The following GPBP1L1 variants were observed in gnomAD, a reference collection of about 807,000 sequenced individuals.
GPBP1L1 encodes the protein GC-rich promoter binding protein 1 like 1.
Under a neutral mutation model 52.5 loss-of-function variants are expected in GPBP1L1, and 23 were observed. That is an observed-to-expected ratio of 0.44 (90% CI 0.32 to 0.62). The LOEUF is 0.62. Among genes scored for constraint, GPBP1L1 ranks in the 20% least tolerant of loss-of-function variants. The probability of loss-of-function intolerance (pLI) is 0.06; values close to 1 mark genes in which losing one functional copy is unlikely to be tolerated. For missense variants in GPBP1L1, 596 were observed against 579.3 expected (o/e 1.03, Z -0.30); for synonymous variants, 243 against 203.1 (o/e 1.20, Z -1.67).
intron 2 of GPBP1L1, among the ~76,000 whole-genome samples, chr1:45,672,554 T>A (rs1645086622): frequency 6.6e-6 from 1 of 152,166 alleles, no homozygotes; most frequent in South Asian, 2.1e-4. Flanking sequence ...AACTTTTAGG[T>A]GCCTACCAGA....
At position 45,629,691 on chromosome 1, in the gene GPBP1L1, G is replaced by A. The variant is rs369188643; in HGVS notation, c.1170-13C>T. The A allele has an allele frequency of 5.9e-5, 89 of 1,521,328 alleles. No homozygotes were observed. In the African/African-American group the frequency reaches 1.2e-3, roughly 20 times the overall value. 94.2% of individuals were successfully genotyped at this position (1,521,328 alleles called of 1,614,324 possible). A position where few individuals can be genotyped will look rare whatever the true frequency, so the allele number is the denominator to read the frequency against. Reference sequence around the variant, plus strand: ...AGCTTTCAATAACCTGGTGGACGCAGAAGGACAGGTAAAGAGAATACAACA... The same window carrying A: ...AGCTTTCAATAACCTGGTGGACGCAAAAGGACAGGTAAAGAGAATACAACA... On this transcript the variant is annotated splice_polypyrimidine_tract_variant and intron_variant, in intron 11 of 12. Coordinates refer to ENST00000355105, the MANE Select transcript of GPBP1L1 (RefSeq NM_021639.5).
At chr1:45,642,373 C>T (rs986620848) in intron 7 of GPBP1L1, 54 bp downstream of exon 7, 38 of 1,178,616 alleles carry the variant, frequency 3.2e-5, no homozygotes, top group Non-Finnish European at 4.8e-5. Flanking sequence ...TGCTCCCCTC[C>T]CTGCTAAGAA....
rs1557708609 is a variant in GPBP1L1, at chr1:45,655,242, TCGA to T, written c.135_137del (p.Arg46del). ...TAAAAAAACCATCAGAGGAATTATGTCGACGGCGGCTTACTCCAAATCTACCTT... is the reference window on the plus strand; with the variant it reads ...TAAAAAAACCATCAGAGGAATTATGTCGGCGGCTTACTCCAAATCTACCTT... On this transcript the variant is annotated inframe_deletion, in exon 5 of 13. Coordinates refer to ENST00000355105, the MANE Select transcript of GPBP1L1 (RefSeq NM_021639.5). 1 of 1,614,164 alleles carries T rather than the reference TCGA, an allele frequency of 6.2e-7. No homozygotes were observed. The highest frequency in any genetic ancestry group is 1.1e-5 in the South Asian group (1 of 91,088).
intron 2 of GPBP1L1, among the ~76,000 whole-genome samples, chr1:45,664,356 G>A (rs1290121696): frequency 8.0e-5 from 12 of 150,920 alleles, no homozygotes; most frequent in African/African-American, 2.9e-4. Context: ...CACGAGGTCA[G>A]GAGATTGAGA....
intron 6 of GPBP1L1, 133 bp downstream of exon 6, chr1:45,654,410 C>T: frequency 1.1e-6 from 1 of 939,518 alleles, no homozygotes; most frequent in Non-Finnish European, 1.5e-6. Flanking sequence ...CTTCTTTCCT[C>T]TAAAACAATA....
intron 2 of GPBP1L1, among the ~76,000 whole-genome samples, chr1:45,666,026 G>A (rs1282974469): frequency 1.3e-5 from 2 of 151,996 alleles, no homozygotes; most frequent in Non-Finnish European, 2.9e-5. Flanking sequence ...CAGTCTAAGA[G>A]ACAAGAAATA....
intron 2 of GPBP1L1, among the ~76,000 whole-genome samples, chr1:45,676,770 T>C (rs1253821229): frequency 2.0e-5 from 3 of 151,064 alleles, no homozygotes; most frequent in Non-Finnish European, 2.9e-5. Context: ...TCCCAGCTAC[T>C]TGGGAAGCTG....
chr1:45,630,790 T>A, intron 10 of GPBP1L1, 184 bp from the exon 11 acceptor site: 1 of 601,004 alleles, frequency 1.7e-6, no homozygotes, highest in Non-Finnish European at 2.9e-6. Flanking sequence ...TCTAAAGTTT[T>A]AATGAAAAGG....
intron 2 of GPBP1L1, among the ~76,000 whole-genome samples, chr1:45,678,975 C>T (rs760267416): frequency 1.3e-5 from 2 of 152,196 alleles, no homozygotes; most frequent in Non-Finnish European, 2.9e-5. Context: ...ACAGTAGTAA[C>T]TCCTGTGTGA....
chr1:45,670,543 A>G (rs891405580), intron 2 of GPBP1L1, among the ~76,000 whole-genome samples: 1 of 138,254 alleles, frequency 7.2e-6, no homozygotes, highest in South Asian at 2.5e-4. Context: ...ACCTATATTG[A>G]CTTCTTAGTT....
intron 2 of GPBP1L1, among the ~76,000 whole-genome samples, chr1:45,680,734 CT>C (rs1645203181): frequency 6.6e-6 from 1 of 151,964 alleles, no homozygotes; most frequent in Non-Finnish European, 1.5e-5. Context: ...AAATACCTAC[CT>C]AATTTGGAGA....
chr1:45,655,183 G>A lies in GPBP1L1; in HGVS notation c.190+7C>T, dbSNP rs182431666. On this transcript the variant is annotated splice_region_variant and intron_variant, in intron 5 of 12. Coordinates refer to ENST00000355105, the MANE Select transcript of GPBP1L1 (RefSeq NM_021639.5). ...AAATATAGTCATGAAAGTTGGACAT[G>A]GCTCACCTCCTGCAGTTCGTAGGGG... 4,153 of 1,614,008 alleles carry A rather than the reference G, an allele frequency of 2.6e-3. 25 individuals are homozygous for A. The highest frequency in any genetic ancestry group is 2.2e-3 in the Non-Finnish European group (2,555 of 1,179,944).
rs1438508909 is a variant in GPBP1L1 at position 45,633,565 on chromosome 1, C to T, written c.968G>A (p.Ser323Asn). 3 of 1,614,070 alleles carry T rather than the reference C, an allele frequency of 1.9e-6. No individual in the cohort carries two copies. The highest frequency in any genetic ancestry group is 3.3e-5 in the Admixed American group (2 of 60,006). ...ATCCTTCAGAGTTTTCAGGAACTCA[C>T]TCTTCCTGTCGGTGGTTCGGCGGGT... is the stretch of plus-strand genomic sequence containing the variant. Reference protein sequence around the residue: ...KLTRRTTDRKSEFLKTLKDDR... With the variant: ...KLTRRTTDRKNEFLKTLKDDR... Residue 323 changes from serine (S) to asparagine (N), a missense_variant, in exon 10 of 13, where the codon AGT becomes AAT. Coordinates refer to ENST00000355105, the MANE Select transcript of GPBP1L1 (RefSeq NM_021639.5).
intron 2 of GPBP1L1, 31 bp from the exon 3 acceptor site, chr1:45,661,256 C>T (rs1283628001): frequency 6.6e-6 from 1 of 152,140 alleles, no homozygotes; most frequent in Non-Finnish European, 1.5e-5. Flanking sequence ...CATAAAATCA[C>T]AGAAGGCAAA....
At chr1:45,644,586 T>G (rs1486466894) in intron 6 of GPBP1L1, among the ~76,000 whole-genome samples, 2 of 152,064 alleles carry the variant, frequency 1.3e-5, no homozygotes, top group Admixed American at 1.3e-4. Flanking sequence ...CCATTGTGTC[T>G]CCCTTGACAC....
chr1:45,674,955 G>A (rs895719212), intron 2 of GPBP1L1, among the ~76,000 whole-genome samples: 17 of 152,124 alleles, frequency 1.1e-4, no homozygotes, highest in African/African-American at 4.1e-4. Context: ...TTCTTTAAAT[G>A]CTTCCATGTA....
intron 2 of GPBP1L1, among the ~76,000 whole-genome samples, chr1:45,684,582 CAA>C (rs1569905904): frequency 6.6e-6 from 1 of 152,018 alleles, no homozygotes; most frequent in East Asian, 1.9e-4. Context: ...AAGGTTTCCC[CAA>C]GAGTTCCCCC....
chr1:45,631,691 T>TG (rs1489840185), intron 10 of GPBP1L1, among the ~76,000 whole-genome samples: 1 of 151,980 alleles, frequency 6.6e-6, no homozygotes. Context: ...AGGCCAAAGG[T>TG]GGGAGGACTG....
chr1:45,652,594 T>A (rs540828641), intron 6 of GPBP1L1, among the ~76,000 whole-genome samples: 2 of 152,348 alleles, frequency 1.3e-5, no homozygotes, highest in South Asian at 4.1e-4. Flanking sequence ...GTTATAATAT[T>A]AGATATACTC....
Sources: allele counts gnomAD v4.1 joint callset (sites outside exome capture counted in the v4.1 genomes callset), GRCh38; gene constraint gnomAD v4.1.1; transcripts MANE v1.5; gene names NCBI Gene and HGNC (gene_info 2026-07-23, HGNC 2026-07-21).